The following AFG1L variants were observed in gnomAD, a reference collection of about 807,000 sequenced individuals.
AFG1L encodes the protein AFG1-like ATPase.
A neutral mutation model predicts 62.2 loss-of-function variants in AFG1L; 53 were observed. The ratio of observed to expected loss-of-function variants is 0.85; its 90% CI spans 0.68 to 1.07. The LOEUF (loss-of-function observed/expected upper bound fraction) is 1.07, where lower values mean the gene tolerates loss of function less well. AFG1L is among the 50% of genes least tolerant of loss of function. The probability of loss-of-function intolerance (pLI) is 0.00; values close to 1 mark genes in which losing one functional copy is unlikely to be tolerated. For missense variants in AFG1L, 555 were observed against 590.5 expected (o/e 0.94, Z 0.62); for synonymous variants, 228 against 210.3 (o/e 1.08, Z -0.73).
At chr6:108,379,000 C>CTTTTT (rs931030207) in intron 6 of AFG1L, among the ~76,000 whole-genome samples, 4 of 123,058 alleles carry the variant, frequency 3.3e-5, no homozygotes, top group Admixed American at 8.4e-5. Flanking sequence ...TCTCCTTCTT[C>CTTTTT]TTTTTTTTTT....
Position 108,356,821 on chromosome 6 carries a change from G to T in AFG1L, c.648+1G>T. ...TCTCCTATGTTTTGATGAATTTCAG[G>T]TAAAGTAGAGATTTTTCATAGATAT... is the stretch of plus-strand genomic sequence containing the variant. On this transcript the variant is annotated splice_donor_variant, in intron 5 of 12. Coordinates refer to ENST00000368977, the MANE Select transcript of AFG1L (RefSeq NM_145315.5). LOFTEE classifies it high-confidence loss of function. The T allele has an allele frequency of 6.2e-7, 1 of 1,606,318 alleles. No individual in the cohort carries two copies. The highest frequency in any genetic ancestry group is 1.3e-5 in the African/African-American group (1 of 74,594).
At chr6:108,474,697 C>T (rs1773040001) in intron 8 of AFG1L, among the ~76,000 whole-genome samples, 2 of 152,222 alleles carry the variant, frequency 1.3e-5, no homozygotes, top group Admixed American at 1.3e-4. Context: ...CAAGAAGTGT[C>T]TGTTCATGTC....
At chr6:108,337,006 A>C (rs1430810186) in intron 2 of AFG1L, among the ~76,000 whole-genome samples, 1 of 152,230 alleles carries the variant, frequency 6.6e-6, no homozygotes, top group East Asian at 1.9e-4. Flanking sequence ...ATAAAAATAC[A>C]GGCTGCCCAG....
intron 2 of AFG1L, among the ~76,000 whole-genome samples, chr6:108,329,199 C>T (rs1778173529): frequency 6.6e-6 from 1 of 152,036 alleles, no homozygotes; most frequent in Admixed American, 6.6e-5. Context: ...CTTGGCCTCA[C>T]AAAGTGCTGG....
chr6:108,440,897 T>G (rs775581502), intron 7 of AFG1L, among the ~76,000 whole-genome samples: 3 of 152,272 alleles, frequency 2.0e-5, no homozygotes, highest in South Asian at 2.1e-4. Context: ...ATTTATAAAA[T>G]AAATTAGTTG....
chr6:108,300,183 T>C (rs1229420553), intron 1 of AFG1L, among the ~76,000 whole-genome samples: 3 of 151,942 alleles, frequency 2.0e-5, no homozygotes, highest in African/African-American at 7.3e-5. Flanking sequence ...AGTTTTGCTC[T>C]TGTCGCCCAG....
intron 1 of AFG1L, among the ~76,000 whole-genome samples, chr6:108,323,239 G>A (rs1457855368): frequency 1.3e-5 from 2 of 152,200 alleles, no homozygotes; most frequent in Non-Finnish European, 2.9e-5. Flanking sequence ...TCCTTCAGTG[G>A]ACTGGAAGCA....
At chr6:108,454,738 C>T (rs370059829) in intron 8 of AFG1L, among the ~76,000 whole-genome samples, 3 of 152,082 alleles carry the variant, frequency 2.0e-5, no homozygotes, top group African/African-American at 7.2e-5. Flanking sequence ...CTGCAACCTC[C>T]GCCTCCCAGG....
At chr6:108,429,346 T>C (rs1274309777) in intron 7 of AFG1L, among the ~76,000 whole-genome samples, 1 of 152,194 alleles carries the variant, frequency 6.6e-6, no homozygotes, top group Non-Finnish European at 1.5e-5. Flanking sequence ...ATATTTTACA[T>C]GGTGCCAGGC....
chr6:108,359,132 G>A (rs1184759078), intron 5 of AFG1L: 1 of 152,046 alleles, frequency 6.6e-6, no homozygotes, highest in Non-Finnish European at 1.5e-5. Flanking sequence ...TAGTCGTAAT[G>A]TTTTTTTAAT....
chr6:108,511,280 C>G (rs1436086091), intron 11 of AFG1L, among the ~76,000 whole-genome samples: 3 of 151,970 alleles, frequency 2.0e-5, no homozygotes, highest in African/African-American at 7.3e-5. Context: ...TCCCTATGAC[C>G]CAGAAACCCC....
intron 6 of AFG1L, among the ~76,000 whole-genome samples, 178 bp from the exon 7 acceptor site, chr6:108,401,817 TA>T (rs1781630719): frequency 6.6e-6 from 1 of 152,100 alleles, no homozygotes; most frequent in East Asian, 1.9e-4. Context: ...TTTTTTCTTT[TA>T]TTAAAATTAT....
Position 108,366,184 on chromosome 6 carries a change from T to G in AFG1L, c.649-49T>G, listed in dbSNP as rs372510056. Reference sequence around the variant, plus strand: ...AAAAGATGATCCACTAGCAAATTTGTTACAGCAGAAGTGAAATTAAAATAA... The same window carrying G: ...AAAAGATGATCCACTAGCAAATTTGGTACAGCAGAAGTGAAATTAAAATAA... On this transcript the variant is annotated intron_variant, in intron 5 of 12. Transcript: ENST00000368977. 1.0e-5 allele frequency: 12 copies of G among 1,182,900 alleles called. No individual in the cohort carries two copies. In the African/African-American group the frequency reaches 1.8e-4, roughly 18 times the overall value. The allele number at this position is 1,182,900 out of a possible 1,614,324, so 73.3% of individuals were successfully genotyped here.
At chr6:108,399,426 T>C (rs554699883) in intron 6 of AFG1L, among the ~76,000 whole-genome samples, 3 of 151,960 alleles carry the variant, frequency 2.0e-5, no homozygotes, top group Non-Finnish European at 4.4e-5. Flanking sequence ...GACCTCATGA[T>C]CTGCCTGCCT....
intron 7 of AFG1L, among the ~76,000 whole-genome samples, chr6:108,424,901 G>C (rs1361204810): frequency 6.6e-6 from 1 of 152,034 alleles, no homozygotes; most frequent in African/African-American, 2.4e-5. Context: ...TTATATAAAT[G>C]TATCACTGCC....
At chr6:108,366,452 A>C (rs1346581496) in intron 6 of AFG1L, 120 bp downstream of exon 6, 5 of 544,386 alleles carry the variant, frequency 9.2e-6, no homozygotes. Context: ...GCTTATTATT[A>C]GTTTTATAAC....
chr6:108,384,948 C>T (rs928882016), intron 6 of AFG1L, among the ~76,000 whole-genome samples: 1 of 152,026 alleles, frequency 6.6e-6, no homozygotes, highest in African/African-American at 2.4e-5. Context: ...ACTGTGCAAG[C>T]TTCTAACATA....
intron 10 of AFG1L, among the ~76,000 whole-genome samples, chr6:108,507,064 C>T (rs970619800): frequency 2.0e-5 from 3 of 152,062 alleles, no homozygotes; most frequent in Non-Finnish European, 1.5e-5. Flanking sequence ...ACATTTCATT[C>T]TTCTTTCTCA....
chr6:108,472,702 T>A (rs1772945976), intron 8 of AFG1L, among the ~76,000 whole-genome samples: 1 of 150,882 alleles, frequency 6.6e-6, no homozygotes, highest in Admixed American at 6.6e-5. Context: ...TTTTTTGAGA[T>A]GGAATCTCGC....
Sources: gnomAD v4.1 joint callset for allele counts (sites outside exome capture counted in the v4.1 genomes callset) on GRCh38, gnomAD v4.1.1 for gene constraint, MANE v1.5 for transcripts, NCBI Gene and HGNC (gene_info 2026-07-23, HGNC 2026-07-21) for gene names.